HEG1: variants seen among roughly 807,000 people sequenced by gnomAD.
HEG1 encodes the protein protein HEG homolog 1.
HEG1 carries 56 observed loss-of-function variants against 125.6 expected under a neutral mutation model. That is an observed-to-expected ratio of 0.45 (90% CI 0.36 to 0.56). HEG1 has a LOEUF of 0.56. Ranked by LOEUF, HEG1 falls within the 20% of genes least tolerant of loss-of-function variation. The pLI is 0.00. For synonymous variants in HEG1, 644 were observed against 668.5 expected (o/e 0.96, Z 0.57); for missense variants, 1,523 against 1,670.0 (o/e 0.91, Z 1.53).
At position 125,019,561 on chromosome 3, in the gene HEG1, A is replaced by C. The variant is rs1364879625; in HGVS notation, c.1289T>G (p.Val430Gly). Residue 430 changes from valine (V) to glycine (G), a missense_variant, in exon 5 of 17, where the codon GTG becomes GGG. By Grantham distance (109) the Val-to-Gly change is moderately radical. Coordinates refer to ENST00000311127, the MANE Select transcript of HEG1 (RefSeq NM_020733.2). Reference sequence around the variant, plus strand: ...CTGAGACATGGGACTTCCATTTTGCACCTCAGAGCTGCTGGCAAGCTGATG... The same window carrying C: ...CTGAGACATGGGACTTCCATTTTGCCCCTCAGAGCTGCTGGCAAGCTGATG... ...GEHQLASSSE[V>G]QNGSPMSQTE... 1 of 1,607,040 alleles carries C rather than the reference A, an allele frequency of 6.2e-7. No individual in the cohort carries two copies. The highest frequency in any genetic ancestry group is 8.5e-7 in the Non-Finnish European group (1 of 1,174,162).
chr3:124,983,928 G>A (rs1329868945), intron 14 of HEG1, among the ~76,000 whole-genome samples: 2 of 152,140 alleles, frequency 1.3e-5, no homozygotes, highest in East Asian at 1.9e-4. Context: ...TGAAGTGAAG[G>A]GAGGCCAGTC....
At position 125,029,392 on chromosome 3, in the gene HEG1, G is replaced by A. The variant is rs185196596; in HGVS notation, c.413C>T (p.Ser138Phe). Reference sequence around the variant, plus strand: ...GGTCTGAACCATCACGCCCTCTTTGGAGGACACTGTTGAAAAGTCCTCTTG... The same window carrying A: ...GGTCTGAACCATCACGCCCTCTTTGAAGGACACTGTTGAAAAGTCCTCTTG... ...QNQEDFSTVS[S>F]KEGVMVQTSG... The change falls in exon 2 of 17, where the codon TCC becomes TTC. Residue 138 changes from serine (S) to phenylalanine (F), a missense_variant. Coordinates refer to ENST00000311127, the MANE Select transcript of HEG1 (RefSeq NM_020733.2). The A allele has an allele frequency of 6.5e-5, 104 of 1,612,228 alleles. No individual in the cohort carries two copies. The African/African-American group carries it at 1.3e-3, about 20-fold the overall frequency.
intron 12 of HEG1, 35 bp from the exon 13 acceptor site, chr3:124,991,021 A>G (rs1212486648): frequency 6.6e-7 from 1 of 1,519,276 alleles, no homozygotes. Context: ...GAGTGTGTCT[A>G]TTTACCTCTC....
intron 3 of HEG1, among the ~76,000 whole-genome samples, chr3:125,024,423 A>G (rs1468222157): frequency 7.9e-5 from 12 of 152,176 alleles, no homozygotes; most frequent in Admixed American, 7.2e-4. Flanking sequence ...CAACATACAC[A>G]TATCTCTTTC....
intron 1 of HEG1, among the ~76,000 whole-genome samples, chr3:125,034,465 C>G (rs1463640970): frequency 6.6e-6 from 1 of 151,908 alleles, no homozygotes; most frequent in Non-Finnish European, 1.5e-5. Flanking sequence ...TTTAAAAACT[C>G]AACAACAGAT....
rs1937144409 is a variant in HEG1 at position 125,010,584 on chromosome 3, T to A, written c.2957-29A>T. On this transcript the variant is annotated intron_variant, in intron 6 of 16. Coordinates refer to ENST00000311127, the MANE Select transcript of HEG1 (RefSeq NM_020733.2). ...CAAACACATTCCAGGAGTAAAGCAG[T>A]TAACCACACAGGAAATGTAAAGGCA... is the stretch of plus-strand genomic sequence containing the variant. 6 of 1,329,154 alleles carry A rather than the reference T, an allele frequency of 4.5e-6. No homozygotes were observed. The South Asian group carries it at 5.3e-5, about 12-fold the overall frequency. The allele number at this position is 1,329,154 out of a possible 1,614,324, so 82.3% of individuals were successfully genotyped here. A position where few individuals can be genotyped will look rare whatever the true frequency, so the allele number is the denominator to read the frequency against.
intron 9 of HEG1, among the ~76,000 whole-genome samples, chr3:125,003,845 G>A (rs752877185): frequency 1.3e-5 from 2 of 152,214 alleles, no homozygotes; most frequent in Admixed American, 6.5e-5. Context: ...TCTCTGCCCC[G>A]TGCATCTCTT....
At chr3:124,974,741 T>G (rs1001465212) in intron 15 of HEG1, among the ~76,000 whole-genome samples, 1 of 152,234 alleles carries the variant, frequency 6.6e-6, no homozygotes, top group Non-Finnish European at 1.5e-5. Flanking sequence ...TTTTTCTTTC[T>G]ACCTCACTTA....
At chr3:124,978,009 C>T in intron 14 of HEG1, 63 bp from the exon 15 acceptor site, 2 of 1,232,262 alleles carry the variant, frequency 1.6e-6, no homozygotes, top group Non-Finnish European at 2.3e-6. Context: ...AGTGAGTTCT[C>T]AAGAATGGTC....
In HEG1 at chr3:125,027,392, C is replaced by T; in HGVS notation, c.726G>A (p.Leu242=). Residue 242 remains leucine, a synonymous_variant, in exon 3 of 17, where the codon CTG becomes CTA. Coordinates refer to ENST00000311127, the MANE Select transcript of HEG1 (RefSeq NM_020733.2). ...GGCTGTGCACAGTCCATTCTTCTGA[C>T]AGCCCCATCGCCCTCTCTGTTCCCA... The part of the protein sequence containing the change: ...SEMGTERAMG[L]SEEWTVHSQE... 6.2e-7 allele frequency: 1 copy of T among 1,614,032 alleles called. No individual in the cohort carries two copies. The highest frequency in any genetic ancestry group is 8.5e-7 in the Non-Finnish European group (1 of 1,179,902).
At chr3:124,983,912 C>T (rs532347999) in intron 14 of HEG1, among the ~76,000 whole-genome samples, 5 of 152,250 alleles carry the variant, frequency 3.3e-5, no homozygotes, top group Non-Finnish European at 5.9e-5. Flanking sequence ...CCTGCCTTAC[C>T]CCGTTTGAAG....
At chr3:125,005,446 G>GC in intron 8 of HEG1, 78 bp from the exon 9 acceptor site, 1 of 736,746 alleles carries the variant, frequency 1.4e-6, no homozygotes, top group Admixed American at 3.1e-5. Flanking sequence ...CATCTCTGGG[G>GC]TGTCCGGCTT....
intron 1 of HEG1, among the ~76,000 whole-genome samples, chr3:125,036,166 T>G (rs1263599013): frequency 7.5e-6 from 1 of 132,972 alleles, no homozygotes; most frequent in Non-Finnish European, 1.5e-5. Context: ...GCTATGATGG[T>G]GCCACTGCAC....
At chr3:124,991,648 G>A (rs775140392) in intron 12 of HEG1, among the ~76,000 whole-genome samples, 1 of 152,022 alleles carries the variant, frequency 6.6e-6, no homozygotes, top group Non-Finnish European at 1.5e-5. Flanking sequence ...GAGTAGCTTT[G>A]TTGCCCAGGC....
Position 125,027,441 on chromosome 3 carries a change from G to A in HEG1, c.677C>T (p.Thr226Ile). 2 of 1,613,836 alleles carry A rather than the reference G, an allele frequency of 1.2e-6. No individual in the cohort carries two copies. The highest frequency in any genetic ancestry group is 1.7e-5 in the Admixed American group (1 of 59,986). The change falls in exon 3 of 17, where the codon ACA (threonine) becomes ATA (isoleucine). Residue 226 changes from threonine (T) to isoleucine (I), a missense_variant. Coordinates refer to ENST00000311127, the MANE Select transcript of HEG1 (RefSeq NM_020733.2). ...CATCTCCGAGGCTGTTCCACTCTTT[G>A]TTTGAAAAGCGGCAATTCTTTCATC... is the stretch of plus-strand genomic sequence containing the variant. Reference protein sequence around the residue: ...EFDERIAAFQTKSGTASEMGT... With the variant: ...EFDERIAAFQIKSGTASEMGT...
In HEG1 at chr3:125,012,894, T is replaced by A; in HGVS notation, c.2685A>T (p.Thr895=). The change falls in exon 6 of 17, where the codon ACA becomes ACT. Residue 895 remains threonine (T), a synonymous_variant. Coordinates refer to ENST00000311127, the MANE Select transcript of HEG1 (RefSeq NM_020733.2). Reference sequence around the variant, plus strand: ...TCCTTTCTGTGCTGATGCCACCTTCTGTTGAGATTTGAGGAACTAGTATTT... The same window carrying A: ...TCCTTTCTGTGCTGATGCCACCTTCAGTTGAGATTTGAGGAACTAGTATTT... ...HPEILVPQIS[T]EGGISTERNR... The A allele has an allele frequency of 6.2e-7, 1 of 1,614,082 alleles. No homozygotes were observed. Among genetic ancestry groups the A allele is most frequent in the Non-Finnish European group, 8.5e-7 (1 of 1,179,900 alleles).
intron 14 of HEG1, among the ~76,000 whole-genome samples, chr3:124,980,110 C>T (rs1200346141): frequency 6.6e-6 from 1 of 152,150 alleles, no homozygotes; most frequent in Non-Finnish European, 1.5e-5. Flanking sequence ...AGAAAACAAA[C>T]CTCTTGAATT....
chr3:125,015,109 G>A (rs377573726), intron 5 of HEG1: 6 of 805,026 alleles, frequency 7.5e-6, no homozygotes, highest in East Asian at 6.6e-5. Context: ...GAGCCAAGAC[G>A]CTCCCCTGTA....
chr3:124,981,233 C>CTTT (rs11461179), intron 14 of HEG1, among the ~76,000 whole-genome samples: 13,047 of 142,148 alleles, frequency 0.092, 898 homozygotes, highest in African/African-American at 0.19. Flanking sequence ...TCACTTTTTC[C>CTTT]TTTTTTTTTT....
Sources: gnomAD v4.1 joint callset for allele counts (sites outside exome capture counted in the v4.1 genomes callset) on GRCh38, gnomAD v4.1.1 for gene constraint, MANE v1.5 for transcripts, NCBI Gene and HGNC (gene_info 2026-07-23, HGNC 2026-07-21) for gene names.